WIF1: variants seen among roughly 807,000 people sequenced by gnomAD.
WIF1 encodes Wnt inhibitory factor 1.
WIF1 carries 35 observed loss-of-function variants against 53.5 expected under a neutral mutation model. The ratio of observed to expected loss-of-function variants is 0.65; its 90% CI spans 0.50 to 0.87. WIF1 has a LOEUF of 0.87. WIF1 is among the 40% of genes least tolerant of loss of function. WIF1 has a pLI of 0.00. For missense variants in WIF1, 467 were observed against 476.8 expected (o/e 0.98, Z 0.19); for synonymous variants, 171 against 170.4 (o/e 1.00, Z -0.03).
chr12:65,058,877 C>T (rs1237543834), intron 7 of WIF1, among the ~76,000 whole-genome samples: 1 of 152,050 alleles, frequency 6.6e-6, no homozygotes, highest in East Asian at 1.9e-4. Context: ...TGGTGAAATC[C>T]TGTCTCTACT....
chr12:65,052,458 C>A (rs1882454858), intron 9 of WIF1, among the ~76,000 whole-genome samples: 1 of 152,104 alleles, frequency 6.6e-6, no homozygotes, highest in African/African-American at 2.4e-5. Context: ...GAGGGTGAGC[C>A]TATGCGGGGA....
At chr12:65,097,250 C>A (rs1005481713) in intron 2 of WIF1, among the ~76,000 whole-genome samples, 1 of 151,896 alleles carries the variant, frequency 6.6e-6, no homozygotes, top group Non-Finnish European at 1.5e-5. Flanking sequence ...GATGAACAAC[C>A]TAGACATCAA....
chr12:65,094,864 A>T (rs981465434), intron 2 of WIF1, among the ~76,000 whole-genome samples: 1 of 151,772 alleles, frequency 6.6e-6, no homozygotes, highest in African/African-American at 2.4e-5. Context: ...GTTACCTGTT[A>T]TCATGGATTC....
At chr12:65,062,264 C>A (rs537823503) in intron 7 of WIF1, among the ~76,000 whole-genome samples, 1 of 152,310 alleles carries the variant, frequency 6.6e-6, no homozygotes, top group East Asian at 1.9e-4. Flanking sequence ...GAGAGCATTT[C>A]TTCTGAGTCC....
chr12:65,055,898 CAT>C (rs1258375020), intron 8 of WIF1, 131 bp downstream of exon 8: 15 of 689,374 alleles, frequency 2.2e-5, no homozygotes, highest in East Asian at 1.9e-4. Flanking sequence ...CATAAGGAAG[CAT>C]ATATGTCAGT....
At chr12:65,065,304 A>G (rs1882671483) in intron 6 of WIF1, among the ~76,000 whole-genome samples, 1 of 152,126 alleles carries the variant, frequency 6.6e-6, no homozygotes, top group Non-Finnish European at 1.5e-5. Flanking sequence ...CCAGGTTCAG[A>G]GTCACTCGTG....
intron 1 of WIF1, 85 bp from the exon 2 acceptor site, chr12:65,120,641 G>C (rs1883587484): frequency 6.8e-7 from 1 of 1,472,108 alleles, no homozygotes; most frequent in African/African-American, 1.4e-5. Flanking sequence ...GAAAACCAAA[G>C]AATTAGTGTG....
At chr12:65,082,644 C>T (rs1048642465) in intron 2 of WIF1, among the ~76,000 whole-genome samples, 11 of 152,094 alleles carry the variant, frequency 7.2e-5, no homozygotes, top group African/African-American at 2.2e-4. Context: ...TAGGATTGTT[C>T]CTTCCAGATG....
intron 6 of WIF1, among the ~76,000 whole-genome samples, chr12:65,066,380 C>G (rs1389200979): frequency 1.3e-5 from 2 of 152,054 alleles, no homozygotes; most frequent in African/African-American, 4.8e-5. Context: ...TAGATGGTGC[C>G]TGGGCTCCTG....
At chr12:65,091,324 A>T (rs1018171385) in intron 2 of WIF1, among the ~76,000 whole-genome samples, 2 of 147,836 alleles carry the variant, frequency 1.4e-5, no homozygotes, top group Non-Finnish European at 3.0e-5. Context: ...TTTATATATT[A>T]TATATATATA....
chr12:65,068,454 T>C (rs977001535), intron 4 of WIF1, among the ~76,000 whole-genome samples: 2 of 152,126 alleles, frequency 1.3e-5, no homozygotes, highest in Admixed American at 6.5e-5. Context: ...ACGGGTGAGA[T>C]ACACTGGGAC....
intron 3 of WIF1, among the ~76,000 whole-genome samples, chr12:65,074,839 G>A (rs796447276): frequency 9.7e-3 from 812 of 83,704 alleles, no homozygotes; most frequent in Middle Eastern, 0.025. Flanking sequence ...AAAAAAAAAA[G>A]AAAAGAAAAA....
intron 3 of WIF1, 79 bp downstream of exon 3, chr12:65,077,667 G>A: frequency 1.9e-6 from 2 of 1,044,464 alleles, no homozygotes; most frequent in Non-Finnish European, 2.9e-6. Context: ...CCTCTCTGAT[G>A]TAGGACATTT....
At chr12:65,113,682 C>T (rs901982030) in intron 2 of WIF1, among the ~76,000 whole-genome samples, 15 of 152,184 alleles carry the variant, frequency 9.9e-5, no homozygotes, top group Non-Finnish European at 2.1e-4. Context: ...TGGCACATGC[C>T]TGCTTTGCTA....
At chr12:65,087,800 G>T (rs1883063115) in intron 2 of WIF1, among the ~76,000 whole-genome samples, 1 of 151,814 alleles carries the variant, frequency 6.6e-6, no homozygotes, top group South Asian at 2.1e-4. Context: ...TGAGCAGTTT[G>T]TTCTATTCCT....
chr12:65,069,182 T>C (rs1042575420), intron 3 of WIF1, among the ~76,000 whole-genome samples: 1 of 152,210 alleles, frequency 6.6e-6, no homozygotes, highest in African/African-American at 2.4e-5. Flanking sequence ...TGTACTATCT[T>C]AAATATTTTC....
chr12:65,099,974 T>A (rs1299833420), intron 2 of WIF1, among the ~76,000 whole-genome samples: 1 of 152,100 alleles, frequency 6.6e-6, no homozygotes, highest in Admixed American at 6.6e-5. Context: ...ATTAAAAACA[T>A]TTTTTAAAGC....
At chr12:65,083,309 C>T (rs1486851150) in intron 2 of WIF1, among the ~76,000 whole-genome samples, 1 of 152,236 alleles carries the variant, frequency 6.6e-6, no homozygotes. Flanking sequence ...CCAAACAAAA[C>T]GAATAAGCAT....
At position 65,066,634 on chromosome 12, in the gene WIF1, CT is replaced by C; in HGVS notation, c.730+6del. The C allele has an allele frequency of 1.3e-6, 2 of 1,588,852 alleles. No individual in the cohort carries two copies. Among genetic ancestry groups the C allele is most frequent in the Non-Finnish European group, 1.7e-6 (2 of 1,171,244 alleles). ...AAATAACTTTCTTCTTAAAAAGAAACTGTTACCTTTGTCACAGTTCACTCCA... is the reference window on the plus strand; with the variant it reads ...AAATAACTTTCTTCTTAAAAAGAAACGTTACCTTTGTCACAGTTCACTCCA... On this transcript the variant is annotated splice_donor_region_variant and intron_variant, in intron 6 of 9. Transcript: ENST00000286574.
Sources: allele counts gnomAD v4.1 joint callset (sites outside exome capture counted in the v4.1 genomes callset), GRCh38; gene constraint gnomAD v4.1.1; transcripts MANE v1.5; gene names NCBI Gene and HGNC (gene_info 2026-07-23, HGNC 2026-07-21).